Variants in RRAS2 observed in about 807,000 individuals in gnomAD.
RRAS2 encodes the protein RAS related 2.
In RRAS2, 7 loss-of-function variants were observed where a neutral mutation model predicts 27.6. The ratio of observed to expected loss-of-function variants is 0.25; its 90% confidence interval spans 0.14 to 0.48. RRAS2 has a LOEUF of 0.48. Ranked by LOEUF, RRAS2 falls within the 20% of genes least tolerant of loss-of-function variation. The pLI, the probability that RRAS2 is intolerant of heterozygous loss-of-function variation, is 0.99. For synonymous variants in RRAS2, 86 were observed against 90.9 expected (o/e 0.95, Z 0.31); for missense variants, 178 against 256.2 (o/e 0.69, Z 2.08).
chr11:14,354,063 G>T (rs912065514), intron 1 of RRAS2, among the ~76,000 whole-genome samples: 2 of 152,184 alleles, frequency 1.3e-5, no homozygotes, highest in African/African-American at 4.8e-5. Context: ...ACAGCAAATT[G>T]GGAATTTAAA....
chr11:14,283,785 T>A lies in RRAS2; in HGVS notation c.409-2065A>T, dbSNP rs150395359. On this transcript the variant is annotated intron_variant, in intron 4 of 5. Transcript: ENST00000256196. ...CAATCCTGATATTGTGTCTTTTCTC[T>A]TTTTTATCTGATCATTCCGGCAAGA... Among the ~76,000 whole-genome samples, 74 of 152,326 alleles carry A rather than the reference T, an allele frequency of 4.9e-4. No homozygotes were observed. In the East Asian group the frequency reaches 0.013, roughly 27 times the overall value.
At chr11:14,292,100 A>G (rs1224297697) in intron 4 of RRAS2, among the ~76,000 whole-genome samples, 1 of 152,176 alleles carries the variant, frequency 6.6e-6, no homozygotes. Flanking sequence ...TGGCTCTCAA[A>G]AAGTTTCAGA....
chr11:14,356,084 C>T (rs1263960300), intron 1 of RRAS2, among the ~76,000 whole-genome samples: 3 of 152,122 alleles, frequency 2.0e-5, no homozygotes, highest in Non-Finnish European at 2.9e-5. Context: ...CCATATTTCC[C>T]CAGTTTACAG....
intron 1 of RRAS2, chr11:14,364,318 G>A: frequency 4.2e-6 from 6 of 1,424,342 alleles, no homozygotes; most frequent in Non-Finnish European, 5.7e-6. Flanking sequence ...CTCATCTGTA[G>A]CTACAACAGA....
intron 1 of RRAS2, among the ~76,000 whole-genome samples, chr11:14,338,589 CATCAT>C (rs1470953779): frequency 6.6e-6 from 1 of 152,158 alleles, no homozygotes; most frequent in Non-Finnish European, 1.5e-5. Flanking sequence ...CCACTTGTGG[CATCAT>C]ATCATGACTC....
intron 4 of RRAS2, among the ~76,000 whole-genome samples, chr11:14,282,734 T>A (rs1292941674): frequency 6.6e-6 from 1 of 152,176 alleles, no homozygotes; most frequent in Non-Finnish European, 1.5e-5. Flanking sequence ...TTTTCAATGA[T>A]ACATAGTTTT....
Position 14,328,366 on chromosome 11 carries a change from C to CA in RRAS2, c.108+30396dup, listed in dbSNP as rs71041596. On this transcript the variant is annotated intron_variant, in intron 1 of 5. Transcript: ENST00000256196. Reference sequence around the variant, plus strand: ...GGGCAAGAAGAGCAAAACTCCAACTCAAAAAAAAAAAAAAAAAAAAAGAGT... The same window carrying CA: ...GGGCAAGAAGAGCAAAACTCCAACTCAAAAAAAAAAAAAAAAAAAAAAGAGT... Among the ~76,000 whole-genome samples, 291 of 67,662 alleles carry CA rather than the reference C, an allele frequency of 4.3e-3. 7 individuals carry two copies. The highest frequency in any genetic ancestry group is 9.6e-3 in the Middle Eastern group (1 of 104). The allele number at this position is 67,662 out of a possible 152,430, so 44.4% of individuals were successfully genotyped here. A position where few individuals can be genotyped will look rare whatever the true frequency, so the allele number is the denominator to read the frequency against.
rs975322641 is a variant in RRAS2, at chr11:14,347,832, A to T, written c.108+10931T>A. The stretch of plus-strand genomic sequence containing the variant: ...GCAAGACCCTGTCTTTAAAATTTTT[A>T]AAAGAATATAAATAATTTTTAAGAT... On this transcript the variant is annotated intron_variant, in intron 1 of 5. Coordinates refer to ENST00000256196, the MANE Select transcript of RRAS2 (RefSeq NM_012250.6). Among the ~76,000 whole-genome samples the T allele has an allele frequency of 1.3e-4, 20 of 149,586 alleles. No homozygotes were observed. In the East Asian group the frequency reaches 2.0e-3, roughly 15 times the overall value.
intron 1 of RRAS2, among the ~76,000 whole-genome samples, chr11:14,314,198 T>C (rs926015270): frequency 3.3e-5 from 5 of 152,210 alleles, no homozygotes; most frequent in Admixed American, 2.6e-4. Context: ...TGTTTACAAT[T>C]AGGTTTATAT....
At chr11:14,341,080 C>A (rs1377690163) in intron 1 of RRAS2, among the ~76,000 whole-genome samples, 2 of 152,120 alleles carry the variant, frequency 1.3e-5, no homozygotes, top group African/African-American at 4.8e-5. Flanking sequence ...CGCAAAGCCA[C>A]CAAAAGAGTG....
intron 1 of RRAS2, among the ~76,000 whole-genome samples, chr11:14,345,226 T>C (rs1486885061): frequency 1.3e-5 from 2 of 152,118 alleles, no homozygotes; most frequent in African/African-American, 4.8e-5. Flanking sequence ...CCTCAAGTGA[T>C]CTGCCCTACT....
chr11:14,314,422 A>G (rs1554949267), intron 1 of RRAS2, among the ~76,000 whole-genome samples: 1 of 152,228 alleles, frequency 6.6e-6, no homozygotes, highest in African/African-American at 2.4e-5. Context: ...CCTCAATTTT[A>G]GAAATAATAT....
chr11:14,307,513 C>G (rs1172766717), intron 1 of RRAS2, among the ~76,000 whole-genome samples: 2 of 96,554 alleles, frequency 2.1e-5, no homozygotes, highest in East Asian at 6.6e-4. Context: ...CTCAGCCTCC[C>G]GAGAAGCTGG....
intron 1 of RRAS2, among the ~76,000 whole-genome samples, chr11:14,354,821 C>T (rs1849039306): frequency 6.6e-6 from 1 of 151,810 alleles, no homozygotes; most frequent in Non-Finnish European, 1.5e-5. Context: ...GGATTACAAG[C>T]ACGCACCAAC....
At chr11:14,326,447 C>T (rs1848358794) in intron 1 of RRAS2, among the ~76,000 whole-genome samples, 1 of 152,138 alleles carries the variant, frequency 6.6e-6, no homozygotes, top group East Asian at 1.9e-4. Context: ...AATTGTTATA[C>T]TAAAACATTT....
chr11:14,352,752 TATATAGAGAGAG>T (rs1394553929), intron 1 of RRAS2, among the ~76,000 whole-genome samples: 10 of 127,110 alleles, frequency 7.9e-5, no homozygotes, highest in Admixed American at 5.4e-4. Context: ...AAAATATATA[TATATAGAGAGAG>T]AGAGAGAGAG....
chr11:14,327,295 G>A (rs1394869411), intron 1 of RRAS2, among the ~76,000 whole-genome samples: 1 of 152,170 alleles, frequency 6.6e-6, no homozygotes, highest in South Asian at 2.1e-4. Context: ...AATAAAAATA[G>A]CTGAAGAGAG....
chr11:14,333,394 C>T (rs1368157302), intron 1 of RRAS2, among the ~76,000 whole-genome samples: 7 of 151,998 alleles, frequency 4.6e-5, no homozygotes, highest in Non-Finnish European at 7.4e-5. Context: ...AATTATATTC[C>T]CTTAAGCTTA....
intron 1 of RRAS2, among the ~76,000 whole-genome samples, chr11:14,321,215 G>A (rs11023186): frequency 0.14 from 21,100 of 151,524 alleles, 1,642 homozygotes; most frequent in East Asian, 0.18. Context: ...GTAAACACAC[G>A]ACGCACGTCA....
Sources: allele counts gnomAD v4.1 joint callset (sites outside exome capture counted in the v4.1 genomes callset), GRCh38; gene constraint gnomAD v4.1.1; transcripts MANE v1.5; gene names NCBI Gene and HGNC (gene_info 2026-07-23, HGNC 2026-07-21).